Variants in VCL observed in about 807,000 individuals in gnomAD.
VCL encodes epididymis luminal protein 114.
VCL carries 47 observed loss-of-function variants against 125.7 expected under a neutral mutation model. That is an observed-to-expected ratio of 0.37 (90% CI 0.30 to 0.48). The LOEUF is 0.48. Among genes scored for constraint, VCL ranks in the 20% least tolerant of loss-of-function variants. The probability of loss-of-function intolerance (pLI) is 0.99; values close to 1 mark genes in which losing one functional copy is unlikely to be tolerated. For synonymous variants in VCL, 458 were observed against 514.6 expected (o/e 0.89, Z 1.49); for missense variants, 1,069 against 1,455.5 (o/e 0.73, Z 4.32).
intron 2 of VCL, 146 bp from the exon 3 acceptor site, chr10:74,070,524 C>A: frequency 8.8e-7 from 1 of 1,134,672 alleles, no homozygotes; most frequent in East Asian, 2.4e-5. Flanking sequence ...AATCTAAAAA[C>A]GTAGGTTCTA....
At chr10:74,102,194 G>A (rs779639528) in intron 14 of VCL, among the ~76,000 whole-genome samples, 14 of 149,866 alleles carry the variant, frequency 9.3e-5, no homozygotes, top group Non-Finnish European at 3.0e-5. Context: ...ACTTTGTTTT[G>A]ATTTTGGAGT....
At chr10:74,014,508 T>C (rs1370391160) in intron 1 of VCL, among the ~76,000 whole-genome samples, 1 of 150,660 alleles carries the variant, frequency 6.6e-6, no homozygotes, top group African/African-American at 2.4e-5. Flanking sequence ...TTGCTGGGAT[T>C]ACAGGCATGA....
chr10:74,034,977 C>A lies in VCL; in HGVS notation c.169-8106C>A, dbSNP rs76569437. ...TGTTATGCCATGACATTGATTTGAG[C>A]CACAGTAAGTACAGGCAAATGGGTA... On this transcript the variant is annotated intron_variant, in intron 1 of 21. Coordinates refer to ENST00000211998, the MANE Select transcript of VCL (RefSeq NM_014000.3). 5.0e-4 allele frequency among the ~76,000 whole-genome samples: 76 copies of A among 152,292 alleles called. No individual in the cohort carries two copies. The East Asian group carries it at 0.013, about 27-fold the overall frequency.
intron 2 of VCL, among the ~76,000 whole-genome samples, chr10:74,046,500 C>T (rs1490089959): frequency 6.6e-6 from 1 of 152,234 alleles, no homozygotes; most frequent in Non-Finnish European, 1.5e-5. Context: ...GCATTGGCCT[C>T]CCAAAGTGTT....
At chr10:74,096,075 G>C (rs1260974118) in intron 12 of VCL, among the ~76,000 whole-genome samples, 1 of 151,682 alleles carries the variant, frequency 6.6e-6, no homozygotes, top group Non-Finnish European at 1.5e-5. Context: ...ACTCAGTCAA[G>C]AGCCCTTTCG....
At position 74,109,141 on chromosome 10, in the gene VCL, C is replaced by G; in HGVS notation, c.2730C>G (p.Arg910=). Residue 910 remains arginine, a synonymous_variant, in exon 18 of 22, where the codon CGC becomes CGG. Coordinates refer to ENST00000211998, the MANE Select transcript of VCL (RefSeq NM_014000.3). ...CCAGACAGCTCCATGATGAAGCTCG[C>G]AAATGGTCCAGCAAGGTAAGTAGTG... The part of the protein sequence containing the change: ...MAARQLHDEA[R]KWSSKPGIPA... 1 of 1,614,062 alleles carries G rather than the reference C, an allele frequency of 6.2e-7. No homozygotes were observed. The highest frequency in any genetic ancestry group is 8.5e-7 in the Non-Finnish European group (1 of 1,180,016).
chr10:74,002,856 TG>T (rs1435482422), intron 1 of VCL, among the ~76,000 whole-genome samples: 1 of 141,196 alleles, frequency 7.1e-6, no homozygotes, highest in African/African-American at 2.7e-5. Context: ...CATTCCAGCC[TG>T]GTGACAAAGG....
chr10:74,060,352 C>T (rs375689504), intron 2 of VCL, among the ~76,000 whole-genome samples: 1 of 151,664 alleles, frequency 6.6e-6, no homozygotes, highest in East Asian at 1.9e-4. Flanking sequence ...TCTAAAAGAA[C>T]CCTTAAAAAG....
At chr10:74,002,039 C>T (rs1010999767) in intron 1 of VCL, among the ~76,000 whole-genome samples, 1 of 152,074 alleles carries the variant, frequency 6.6e-6, no homozygotes, top group African/African-American at 2.4e-5. Flanking sequence ...AATAGTCATT[C>T]ACTTATCAAG....
intron 1 of VCL, among the ~76,000 whole-genome samples, chr10:74,000,576 A>G (rs1238369255): frequency 2.6e-5 from 4 of 152,062 alleles, no homozygotes; most frequent in African/African-American, 4.8e-5. Context: ...CACCGTGGCC[A>G]GCTAATTTTT....
rs142695754 is a variant in VCL, at chr10:74,097,300, A to G, written c.1840A>G (p.Thr614Ala). Residue 614 changes from threonine (T) to alanine (A), a missense_variant, in exon 13 of 22, where the codon ACG (threonine) becomes GCG (alanine). Physicochemically the swap from Thr to Ala is moderately conservative, Grantham distance 58. Transcript: ENST00000211998. The surrounding 1 kb of genome is among the most constrained non-coding windows in gnomAD (Gnocchi z 4.1). ...CATCAAGCTGTTGGCAGTGGCAGCC[A>G]CGGCGCCTCCTGATGCGCCTAACAG... The part of the protein sequence containing the change: ...TPIKLLAVAA[T>A]APPDAPNREE... 6.2e-7 allele frequency: 1 copy of G among 1,613,880 alleles called. No homozygotes were observed. Among genetic ancestry groups the G allele is most frequent in the Non-Finnish European group, 8.5e-7 (1 of 1,179,966 alleles).
chr10:74,009,703 G>A (rs1380910634), intron 1 of VCL, among the ~76,000 whole-genome samples: 1 of 151,436 alleles, frequency 6.6e-6, no homozygotes, highest in Non-Finnish European at 1.5e-5. Flanking sequence ...TCCACCTCAC[G>A]GGTTCAAGCA....
intron 11 of VCL, 117 bp downstream of exon 11, chr10:74,094,578 G>A (rs769245216): frequency 1.2e-5 from 15 of 1,256,920 alleles, no homozygotes; most frequent in Non-Finnish European, 1.6e-5. Context: ...CTGCTGATAA[G>A]TAACTGTGAT....
At chr10:74,109,328 T>G (rs1251347228) in intron 18 of VCL, among the ~76,000 whole-genome samples, 172 bp downstream of exon 18, 2 of 152,216 alleles carry the variant, frequency 1.3e-5, no homozygotes, top group Non-Finnish European at 2.9e-5. Context: ...GAGATGTTTC[T>G]GACACCTGAT....
intron 15 of VCL, 109 bp downstream of exon 15, chr10:74,104,037 C>T (rs1358438986): frequency 8.9e-7 from 1 of 1,118,664 alleles, no homozygotes; most frequent in Non-Finnish European, 1.3e-6. Flanking sequence ...AAGGGCCGGT[C>T]ACGTGCTGAG....
At chr10:74,016,514 G>C (rs1840542479) in intron 1 of VCL, among the ~76,000 whole-genome samples, 1 of 152,080 alleles carries the variant, frequency 6.6e-6, no homozygotes, top group Admixed American at 6.5e-5. Flanking sequence ...GGGAGGCTGA[G>C]GTGGGAGGAT....
chr10:74,045,173 A>AAAAT (rs745824787), intron 2 of VCL, among the ~76,000 whole-genome samples: 153 of 152,242 alleles, frequency 1.0e-3, no homozygotes, highest in African/African-American at 3.5e-3. Context: ...CCTGTATCTA[A>AAAAT]AAATAAATAA....
In VCL at chr10:74,052,952, T is replaced by A. The variant is rs765427227; in HGVS notation, c.239+9799T>A. Among the ~76,000 whole-genome samples, 519 of 149,098 alleles carry A rather than the reference T, an allele frequency of 3.5e-3. 3 individuals are homozygous for A. The highest frequency in any genetic ancestry group is 9.4e-3 in the African/African-American group (384 of 40,732). ...GGCTGTGATGAAAAAAAAAAATATA[T>A]ATATATATATATATAGTGCTGAATT... On this transcript the variant is annotated intron_variant, in intron 2 of 21. Transcript: ENST00000211998.
intron 2 of VCL, among the ~76,000 whole-genome samples, chr10:74,047,241 G>A (rs1364551150): frequency 6.6e-6 from 1 of 152,178 alleles, no homozygotes; most frequent in African/African-American, 2.4e-5. Flanking sequence ...AGGCTGCAGT[G>A]AGCTGTCATT....
Sources: gnomAD v4.1 joint callset for allele counts (sites outside exome capture counted in the v4.1 genomes callset) on GRCh38, gnomAD v4.1.1 for gene constraint, Gnocchi (gnomAD v3.1) non-coding constraint, MANE v1.5 for transcripts, NCBI Gene and HGNC (gene_info 2026-07-23, HGNC 2026-07-21) for gene names.